SPOCD1: variants seen among roughly 807,000 people sequenced by gnomAD.
SPOCD1 encodes the protein SPOC domain containing 1.
SPOCD1 carries 64 observed loss-of-function variants against 92.2 expected under a neutral mutation model. The observed-to-expected ratio is 0.69, with a 90% CI of 0.57 to 0.86. The LOEUF (loss-of-function observed/expected upper bound fraction) is 0.86, where lower values mean the gene tolerates loss of function less well. Among genes scored for constraint, SPOCD1 ranks in the 40% least tolerant of loss-of-function variants. The pLI is 0.00. For missense variants in SPOCD1, 1,360 were observed against 1,543.1 expected (o/e 0.88, Z 1.99); for synonymous variants, 578 against 619.3 (o/e 0.93, Z 0.99).
Position 31,792,293 on chromosome 1 carries a change from C to T in SPOCD1, c.2884G>A (p.Glu962Lys). 1 of 1,613,768 alleles carries T rather than the reference C, an allele frequency of 6.2e-7. No individual in the cohort carries two copies. Residue 962 changes from glutamate to lysine, a missense_variant, in exon 15 of 16, where the codon GAG becomes AAG. This residue lies in a region of SPOCD1 where 614 missense variants were observed against 757.8 expected (regional missense o/e 0.81). Coordinates refer to ENST00000360482, the MANE Select transcript of SPOCD1 (RefSeq NM_144569.7). ...GGCAGCAGGACCATCCCCATGTGCT[C>T]CACAGAGGCCAGCCCGTGGCGCTGC... ...DRQRHGLASV[E>K]HMGMVLLPLP...
Position 31,798,622 on chromosome 1 carries a change from C to CG in SPOCD1, c.1869-22dup, listed in dbSNP as rs760361459. 15 of 1,608,108 alleles carry CG rather than the reference C, an allele frequency of 9.3e-6. No homozygotes were observed. The highest frequency in any genetic ancestry group is 1.3e-5 in the Non-Finnish European group (15 of 1,177,976). On this transcript the variant is annotated intron_variant, in intron 7 of 15. Coordinates refer to ENST00000360482, the MANE Select transcript of SPOCD1 (RefSeq NM_144569.7). This position sits in a 1 kb window ranked among gnomAD's most constrained non-coding sequence, Gnocchi z 4.1. ...GAAGGCTGTGGAGGCCAGGGCAGGGCGGGGGCACTGAGCCCAGGAGGCTCT... is the reference window on the plus strand; with the variant it reads ...GAAGGCTGTGGAGGCCAGGGCAGGGCGGGGGGCACTGAGCCCAGGAGGCTCT...
intron 2 of SPOCD1, among the ~76,000 whole-genome samples, chr1:31,810,664 G>C (rs913179233): frequency 6.6e-6 from 1 of 152,148 alleles, no homozygotes; most frequent in African/African-American, 2.4e-5. Context: ...GACCTTTAAT[G>C]GTTAATGTAA....
intron 10 of SPOCD1, chr1:31,795,177 T>A (rs1647919564): frequency 6.6e-6 from 1 of 152,216 alleles, no homozygotes; most frequent in Non-Finnish European, 1.5e-5. Flanking sequence ...GCCAAATCAC[T>A]TTTTTTCCTC....
intron 2 of SPOCD1, among the ~76,000 whole-genome samples, chr1:31,806,756 T>A (rs1298924155): frequency 1.3e-5 from 2 of 152,142 alleles, no homozygotes; most frequent in African/African-American, 4.8e-5. Context: ...GGTTTCACTA[T>A]GTTGGCCAGG....
Position 31,813,969 on chromosome 1 carries a change from T to C in SPOCD1, c.1365A>G (p.Pro455=). The C allele has an allele frequency of 6.4e-7, 1 of 1,555,350 alleles. No homozygotes were observed. The highest frequency in any genetic ancestry group is 1.2e-5 in the South Asian group (1 of 81,622). ...AGCTCACCAGTCTGGGGCAGCCTCC[T>C]GGGCTGGGTTCCTCTGGCCTGTCCT... is the stretch of plus-strand genomic sequence containing the variant. ...SHQDRPEEPS[P]GGCPRLEEVK... Residue 455 remains proline, a synonymous_variant, in exon 2 of 16, where the codon CCA becomes CCG. Coordinates refer to ENST00000360482, the MANE Select transcript of SPOCD1 (RefSeq NM_144569.7).
In SPOCD1 at chr1:31,798,721, G is replaced by A. The variant is rs150466878; in HGVS notation, c.1869-120C>T. On this transcript the variant is annotated intron_variant, in intron 7 of 15. Coordinates refer to ENST00000360482, the MANE Select transcript of SPOCD1 (RefSeq NM_144569.7). This position sits in a 1 kb window ranked among gnomAD's most constrained non-coding sequence, Gnocchi z 4.1. Reference sequence around the variant, plus strand: ...GGGCCAACTTGTTCCTGTCGTGGGTGTTTCCCTGCAGGAACCTACTTATTC... The same window carrying A: ...GGGCCAACTTGTTCCTGTCGTGGGTATTTCCCTGCAGGAACCTACTTATTC... 512 of 1,123,210 alleles carry A rather than the reference G, an allele frequency of 4.6e-4. 1 individual carries two copies. The highest frequency in any genetic ancestry group is 5.3e-4 in the Non-Finnish European group (425 of 797,642). 69.6% of individuals were successfully genotyped at this position (1,123,210 alleles called of 1,614,324 possible). A position where few individuals can be genotyped will look rare whatever the true frequency, so the allele number is the denominator to read the frequency against.
chr1:31,812,240 A>G (rs546544730), intron 2 of SPOCD1, among the ~76,000 whole-genome samples: 63 of 152,302 alleles, frequency 4.1e-4, no homozygotes, highest in Non-Finnish European at 6.9e-4. Flanking sequence ...GGTTGTTCAG[A>G]TAGTGGCAAA....
Position 31,793,908 on chromosome 1 carries a change from C to T in SPOCD1, c.2384-11G>A, listed in dbSNP as rs74065942. On this transcript the variant is annotated splice_polypyrimidine_tract_variant and intron_variant, in intron 11 of 15. Transcript: ENST00000360482. Reference sequence around the variant, plus strand: ...TCGAGGGCTCCCAGTCTGCAAATAGCAGAGGCAGGAGCTGAAACAGGGGCA... The same window carrying T: ...TCGAGGGCTCCCAGTCTGCAAATAGTAGAGGCAGGAGCTGAAACAGGGGCA... 1.3e-3 allele frequency: 2,158 copies of T among 1,605,416 alleles called. 25 individuals are homozygous for T. The African/African-American group carries it at 0.025, about 18-fold the overall frequency.
rs537394174 is a variant in SPOCD1, at chr1:31,797,879, A to G, written c.2145+328T>C. On this transcript the variant is annotated intron_variant, in intron 9 of 15. Transcript: ENST00000360482. ...CAGGGCATCTGAAGCTGGGATCGGA[A>G]AAGAGGTACCTCAGGACTCCGGACT... 2.6e-5 allele frequency among the ~76,000 whole-genome samples: 4 copies of G among 152,246 alleles called. No homozygotes were observed. The South Asian group carries it at 8.3e-4, about 32-fold the overall frequency.
chr1:31,796,809 C>T lies in SPOCD1; in HGVS notation c.2146-94G>A, dbSNP rs1570160493. ...CACTTTCCTCCCTTGAGGCCCCTCTCTTGTGGTTCCCCTCTCCTCAAAACT... is the reference window on the plus strand; with the variant it reads ...CACTTTCCTCCCTTGAGGCCCCTCTTTTGTGGTTCCCCTCTCCTCAAAACT... On this transcript the variant is annotated intron_variant, in intron 9 of 15. Transcript: ENST00000360482. The T allele has an allele frequency of 1.8e-5, 28 of 1,563,498 alleles. 1 individual carries two copies. In the East Asian group the frequency reaches 5.8e-4, roughly 33 times the overall value.
chr1:31,803,041 A>C (rs1648569644), intron 2 of SPOCD1, among the ~76,000 whole-genome samples: 1 of 151,926 alleles, frequency 6.6e-6, no homozygotes, highest in African/African-American at 2.4e-5. Flanking sequence ...TGGGAAGAAT[A>C]TCAAGACCAG....
intron 13 of SPOCD1, 47 bp from the exon 14 acceptor site, chr1:31,792,814 C>G: frequency 7.0e-7 from 1 of 1,435,054 alleles, no homozygotes; most frequent in Non-Finnish European, 9.6e-7. Flanking sequence ...TTCCCACCCA[C>G]TCAGGGTGGA....
chr1:31,798,275 C>T lies in SPOCD1; in HGVS notation c.2077G>A (p.Val693Met). Residue 693 changes from valine to methionine, a missense_variant, in exon 9 of 16, where the codon GTG becomes ATG. Val to Met is a conservative substitution (Grantham distance 21). Coordinates refer to ENST00000360482, the MANE Select transcript of SPOCD1 (RefSeq NM_144569.7). This position sits in a 1 kb window ranked among gnomAD's most constrained non-coding sequence, Gnocchi z 4.1. ...GCCAGCTGCATCGAGCTCATCCGCA[C>T]CAGGTCGTAGGGGGTGACATCTCCA... ...VHGDVTPYDLVRMSSMQLAPQ... is the reference protein window; with the variant it reads ...VHGDVTPYDLMRMSSMQLAPQ... 4 of 1,614,082 alleles carry T rather than the reference C, an allele frequency of 2.5e-6. No individual in the cohort carries two copies. Among genetic ancestry groups the T allele is most frequent in the Non-Finnish European group, 3.4e-6 (4 of 1,180,024 alleles).
At chr1:31,799,694 G>T in intron 6 of SPOCD1, 115 bp downstream of exon 6, 3 of 1,324,322 alleles carry the variant, frequency 2.3e-6, no homozygotes, top group Non-Finnish European at 3.2e-6. Flanking sequence ...ATAGGCTGAT[G>T]GGATGTGGGG....
Position 31,798,622 on chromosome 1 carries a change from CG to C in SPOCD1, c.1869-22del, listed in dbSNP as rs760361459. 33 of 1,607,980 alleles carry C rather than the reference CG, an allele frequency of 2.1e-5. No individual in the cohort carries two copies. Among genetic ancestry groups the C allele is most frequent in the Non-Finnish European group, 2.5e-5 (30 of 1,177,984 alleles). On this transcript the variant is annotated intron_variant, in intron 7 of 15. Coordinates refer to ENST00000360482, the MANE Select transcript of SPOCD1 (RefSeq NM_144569.7). This position sits in a 1 kb window ranked among gnomAD's most constrained non-coding sequence, Gnocchi z 4.1. ...GAAGGCTGTGGAGGCCAGGGCAGGG[CG>C]GGGGCACTGAGCCCAGGAGGCTCTC...
intron 13 of SPOCD1, among the ~76,000 whole-genome samples, 196 bp downstream of exon 13, chr1:31,793,080 CAG>C (rs1332564867): frequency 6.6e-6 from 1 of 152,210 alleles, no homozygotes; most frequent in Admixed American, 6.5e-5. Flanking sequence ...CTATGGGTGA[CAG>C]GGAGTCCTTC....
intron 12 of SPOCD1, 44 bp from the exon 13 acceptor site, chr1:31,793,472 G>A: frequency 6.4e-7 from 1 of 1,557,320 alleles, no homozygotes; most frequent in Non-Finnish European, 8.7e-7. Flanking sequence ...AGCAGGCCAT[G>A]AGGACTTCCC....
intron 15 of SPOCD1, 156 bp downstream of exon 15, chr1:31,792,059 G>A (rs567696265): frequency 2.6e-5 from 20 of 760,514 alleles, no homozygotes; most frequent in African/African-American, 8.8e-5. Flanking sequence ...ATATCCAAGC[G>A]TGAGCTATTA....
In SPOCD1 at chr1:31,804,985, C is replaced by CTTTT. The variant is rs1207433481; in HGVS notation, c.1384-3284_1384-3281dup. 3.3e-4 allele frequency among the ~76,000 whole-genome samples: 35 copies of CTTTT among 105,900 alleles called. 1 individual carries two copies. The highest frequency in any genetic ancestry group is 1.1e-3 in the Admixed American group (10 of 8,942). The allele number at this position is 105,900 out of a possible 152,430, so 69.5% of individuals were successfully genotyped here. ...AAATTTCTTTTTTCTTTCTTTCTTT[C>CTTTT]TTTTTTTTTTTTTTGAGATGGAGTC... On this transcript the variant is annotated intron_variant, in intron 2 of 15. Coordinates refer to ENST00000360482, the MANE Select transcript of SPOCD1 (RefSeq NM_144569.7).
Sources: gnomAD v4.1 joint callset for allele counts (sites outside exome capture counted in the v4.1 genomes callset) on GRCh38, gnomAD v4.1.1 for gene constraint, gnomAD v4.1.1 regional missense constraint, Gnocchi (gnomAD v3.1) non-coding constraint, MANE v1.5 for transcripts, NCBI Gene and HGNC (gene_info 2026-07-23, HGNC 2026-07-21) for gene names.